MAGI2: variants seen among roughly 807,000 people sequenced by gnomAD.
MAGI2 encodes membrane-associated guanylate kinase, WW and PDZ domain-containing protein 2.
Under a neutral mutation model 133.3 loss-of-function variants are expected in MAGI2, and 35 were observed. The ratio of observed to expected loss-of-function variants is 0.26; its 90% CI spans 0.20 to 0.35. The LOEUF (loss-of-function observed/expected upper bound fraction) is 0.35, where lower values mean the gene tolerates loss of function less well. MAGI2 is among the 10% of genes least tolerant of loss of function. The probability of loss-of-function intolerance (pLI) is 1.00; values close to 1 mark genes in which losing one functional copy is unlikely to be tolerated. For missense variants in MAGI2, 1,636 were observed against 1,863.4 expected (o/e 0.88, Z 2.25); for synonymous variants, 729 against 710.6 (o/e 1.03, Z -0.41).
Position 78,684,712 on chromosome 7 carries a change from A to G in MAGI2, c.419-57473T>C, listed in dbSNP as rs563715347. Among the ~76,000 whole-genome samples, 155 of 151,808 alleles carry G rather than the reference A, an allele frequency of 1.0e-3. 1 individual carries two copies. Among genetic ancestry groups the G allele is most frequent in the African/African-American group, 3.6e-3 (148 of 41,328 alleles). ...ATGTATGAACAAGAGTCAACTTTTC[A>G]GGTGCTTCCAGGAAAAAAGAAAAAA... On this transcript the variant is annotated intron_variant, in intron 2 of 21. Transcript: ENST00000354212.
chr7:79,271,744 C>T (rs1270338496), intron 1 of MAGI2, among the ~76,000 whole-genome samples: 1 of 149,768 alleles, frequency 6.7e-6, no homozygotes, highest in African/African-American at 2.5e-5. Context: ...ACCCCTCCAT[C>T]GTTTTTATTG....
intron 1 of MAGI2, among the ~76,000 whole-genome samples, chr7:79,247,810 TATAAG>T (rs1832932914): frequency 6.6e-6 from 1 of 152,108 alleles, no homozygotes; most frequent in Admixed American, 6.6e-5. Context: ...AATAATGACT[TATAAG>T]ATAATATTTG....
At chr7:79,444,074 C>G (rs1848677335) in intron 1 of MAGI2, among the ~76,000 whole-genome samples, 1 of 152,152 alleles carries the variant, frequency 6.6e-6, no homozygotes, top group Non-Finnish European at 1.5e-5. Context: ...ATATGATTTT[C>G]TCAATAGATG....
chr7:78,195,352 T>C (rs904173292), intron 11 of MAGI2, among the ~76,000 whole-genome samples: 2 of 152,180 alleles, frequency 1.3e-5, no homozygotes, highest in African/African-American at 4.8e-5. Context: ...ATTTCTCTGT[T>C]TTTTTCCCCC....
chr7:78,709,676 G>A (rs182427696), intron 2 of MAGI2, among the ~76,000 whole-genome samples: 1 of 152,204 alleles, frequency 6.6e-6, no homozygotes, highest in Non-Finnish European at 1.5e-5. Flanking sequence ...AGGCCCTGAA[G>A]ATGGCTTGCC....
chr7:78,999,155 G>GA (rs1244046640), intron 2 of MAGI2, among the ~76,000 whole-genome samples: 1 of 151,444 alleles, frequency 6.6e-6, no homozygotes, highest in Non-Finnish European at 1.5e-5. Flanking sequence ...TCCCTCCTAT[G>GA]AAAAAAAGGA....
At chr7:79,432,709 G>A (rs1847856847) in intron 1 of MAGI2, among the ~76,000 whole-genome samples, 1 of 152,204 alleles carries the variant, frequency 6.6e-6, no homozygotes, top group South Asian at 2.1e-4. Context: ...GTGGGAAGGA[G>A]CTGAATTATA....
rs150285403 is a variant in MAGI2 at position 79,309,746 on chromosome 7, A to T, written c.301+143274T>A. ...GATGTTTATCTAATATCTAGAAAAA[A>T]ATCCCTTATGTATACTTGTGTTCAT... is the stretch of plus-strand genomic sequence containing the variant. On this transcript the variant is annotated intron_variant, in intron 1 of 21. Transcript: ENST00000354212. Among the ~76,000 whole-genome samples, 61 of 152,092 alleles carry T rather than the reference A, an allele frequency of 4.0e-4. No individual in the cohort carries two copies. The East Asian group carries it at 0.011, about 28-fold the overall frequency.
At chr7:78,620,458 T>C (rs1807607646) in intron 3 of MAGI2, among the ~76,000 whole-genome samples, 1 of 152,042 alleles carries the variant, frequency 6.6e-6, no homozygotes, top group Non-Finnish European at 1.5e-5. Flanking sequence ...AAATTATTTG[T>C]ATTTAATACT....
chr7:78,901,852 A>G (rs1797641683), intron 2 of MAGI2, among the ~76,000 whole-genome samples: 2 of 152,190 alleles, frequency 1.3e-5, no homozygotes, highest in East Asian at 1.9e-4. Context: ...GCCAGAGGAT[A>G]TGTATTCCTC....
At chr7:78,419,609 T>A (rs1471567601) in intron 6 of MAGI2, among the ~76,000 whole-genome samples, 2 of 151,828 alleles carry the variant, frequency 1.3e-5, no homozygotes, top group African/African-American at 4.8e-5. Context: ...GATTTTTTTT[T>A]TTTTTTTTTT....
chr7:79,151,019 GTTT>G (rs1823176676), intron 1 of MAGI2, among the ~76,000 whole-genome samples: 1 of 151,726 alleles, frequency 6.6e-6, no homozygotes, highest in South Asian at 2.1e-4. Context: ...TTTTGTTTTT[GTTT>G]TTGTTTTTCT....
intron 2 of MAGI2, among the ~76,000 whole-genome samples, chr7:78,698,743 T>C (rs890291638): frequency 3.3e-5 from 5 of 152,058 alleles, no homozygotes; most frequent in African/African-American, 7.2e-5. Context: ...CAACACGTCC[T>C]TTTTCACGTG....
intron 1 of MAGI2, among the ~76,000 whole-genome samples, chr7:79,169,475 T>A (rs1466481351): frequency 6.6e-6 from 1 of 152,040 alleles, no homozygotes; most frequent in Non-Finnish European, 1.5e-5. Flanking sequence ...AAGCAGCATT[T>A]AACATTTGTA....
chr7:78,375,821 C>T (rs944078648), intron 6 of MAGI2, among the ~76,000 whole-genome samples: 1 of 151,950 alleles, frequency 6.6e-6, no homozygotes, highest in Non-Finnish European at 1.5e-5. Context: ...AGCTTTTGCT[C>T]CTAGTTGGTC....
At chr7:78,705,399 G>A (rs1378056627) in intron 2 of MAGI2, among the ~76,000 whole-genome samples, 1 of 152,098 alleles carries the variant, frequency 6.6e-6, no homozygotes, top group East Asian at 1.9e-4. Context: ...TGTGAGTCAA[G>A]TAAACCTCTT....
chr7:78,655,990 AAAAAAAAG>A (rs1303527042), intron 2 of MAGI2, among the ~76,000 whole-genome samples: 1 of 150,704 alleles, frequency 6.6e-6, no homozygotes, highest in Non-Finnish European at 1.5e-5. Flanking sequence ...CAAAAAAAAA[AAAAAAAAG>A]AAAAAGAAAA....
intron 3 of MAGI2, among the ~76,000 whole-genome samples, chr7:78,551,791 C>A (rs1403260510): frequency 1.3e-5 from 2 of 152,220 alleles, no homozygotes; most frequent in Non-Finnish European, 2.9e-5. Context: ...GTTACCCAGG[C>A]TGGAGGGCAG....
At chr7:78,446,668 C>T (rs1001783078) in intron 6 of MAGI2, among the ~76,000 whole-genome samples, 2 of 151,756 alleles carry the variant, frequency 1.3e-5, no homozygotes, top group Admixed American at 6.6e-5. Context: ...GTGGGGCAAA[C>T]CAGAGAAGCA....
Sources: gnomAD v4.1 joint callset for allele counts (sites outside exome capture counted in the v4.1 genomes callset) on GRCh38, gnomAD v4.1.1 for gene constraint, MANE v1.5 for transcripts, NCBI Gene and HGNC (gene_info 2026-07-23, HGNC 2026-07-21) for gene names.